Variants in ARL15 observed in about 807,000 individuals in gnomAD.
The protein encoded by ARL15 is ADP-ribosylation factor-like protein 15.
ARL15 carries 19 observed loss-of-function variants against 25.2 expected under a neutral mutation model. That is an observed-to-expected ratio of 0.75 (90% CI 0.53 to 1.10). ARL15 has a LOEUF of 1.10. Among genes scored for constraint, ARL15 ranks in the 50% least tolerant of loss-of-function variants. ARL15 has a pLI of 0.00. For missense variants in ARL15, 220 were observed against 246.0 expected, an observed-to-expected ratio of 0.89 and a Z score of 0.71; for synonymous variants, 94 against 86.8, an observed-to-expected ratio of 1.08 and a Z score of -0.46.
intron 1 of ARL15, among the ~76,000 whole-genome samples, chr5:54,268,766 GCACACA>G: frequency 1.3e-5 from 2 of 152,260 alleles, no homozygotes; most frequent in Admixed American, 1.3e-4. Flanking sequence ...AAAGACACAT[GCACACA>G]TATGTTTATG....
At chr5:54,133,918 G>A (rs1181349302) in intron 3 of ARL15, among the ~76,000 whole-genome samples, 1 of 152,168 alleles carries the variant, frequency 6.6e-6, no homozygotes, top group Non-Finnish European at 1.5e-5. Flanking sequence ...AAAAACTAGA[G>A]AGGGCATAAA....
chr5:54,060,572 C>T (rs1463779473), intron 4 of ARL15, among the ~76,000 whole-genome samples: 13 of 152,192 alleles, frequency 8.5e-5, no homozygotes. Flanking sequence ...ATTGTGAGGC[C>T]TCCCCAGCCA....
At chr5:54,308,155 A>C (rs992596302) in intron 1 of ARL15, among the ~76,000 whole-genome samples, 1 of 152,212 alleles carries the variant, frequency 6.6e-6, no homozygotes, top group Admixed American at 6.5e-5. Context: ...CAAAAGGTGA[A>C]CACAAAAAGG....
At chr5:54,054,105 A>G (rs551510431) in intron 4 of ARL15, among the ~76,000 whole-genome samples, 1 of 152,332 alleles carries the variant, frequency 6.6e-6, no homozygotes, top group East Asian at 1.9e-4. Context: ...ATCAGAAACT[A>G]GAATATTATC....
At chr5:54,223,221 A>C (rs1381379305) in intron 1 of ARL15, among the ~76,000 whole-genome samples, 2 of 152,074 alleles carry the variant, frequency 1.3e-5, no homozygotes, top group African/African-American at 4.8e-5. Context: ...TGTAAAAAAA[A>C]AACTACTTAT....
intron 1 of ARL15, among the ~76,000 whole-genome samples, chr5:54,301,989 T>C (rs1388547877): frequency 3.9e-5 from 6 of 152,216 alleles, no homozygotes; most frequent in Admixed American, 3.3e-4. Flanking sequence ...CTTGGCTCTA[T>C]GAGCCAAAGG....
chr5:53,908,992 A>G (rs1389032321), intron 4 of ARL15, among the ~76,000 whole-genome samples: 2 of 152,212 alleles, frequency 1.3e-5, no homozygotes, highest in African/African-American at 4.8e-5. Flanking sequence ...TGTTCAGAAC[A>G]GGAAAAGTTC....
chr5:54,213,623 G>A (rs1756103349), intron 1 of ARL15, among the ~76,000 whole-genome samples: 1 of 152,164 alleles, frequency 6.6e-6, no homozygotes, highest in Non-Finnish European at 1.5e-5. Flanking sequence ...GGGAGAGGGA[G>A]AGAACGTTCT....
intron 1 of ARL15, among the ~76,000 whole-genome samples, chr5:54,222,285 A>G (rs2112534171): frequency 6.6e-6 from 1 of 152,378 alleles, no homozygotes; most frequent in African/African-American, 2.4e-5. Flanking sequence ...CAAAACATCT[A>G]GGAATAGTGT....
intron 3 of ARL15, among the ~76,000 whole-genome samples, chr5:54,143,884 T>A (rs575395114): frequency 6.6e-6 from 1 of 152,190 alleles, no homozygotes; most frequent in Admixed American, 6.5e-5. Context: ...TATATCATCC[T>A]ATTTTTATTA....
At chr5:54,309,241 C>A (rs963615096) in intron 1 of ARL15, among the ~76,000 whole-genome samples, 4 of 152,216 alleles carry the variant, frequency 2.6e-5, no homozygotes, top group African/African-American at 9.6e-5. Context: ...ATTCACAAGG[C>A]TATGCATTAA....
chr5:53,909,853 A>G lies in ARL15; in HGVS notation c.463-23140T>C, dbSNP rs187348320. Among the ~76,000 whole-genome samples the G allele has an allele frequency of 1.7e-3, 253 of 152,350 alleles. 2 individuals are homozygous for G. Among genetic ancestry groups the G allele is most frequent in the Non-Finnish European group, 1.3e-3 (90 of 68,022 alleles). On this transcript the variant is annotated intron_variant, in intron 4 of 4. Transcript: ENST00000504924. ...GGCTCACAGTAGAAGCTCAACAAAC[A>G]TGAGTTATATGAATGTGAAGCACAC...
intron 4 of ARL15, among the ~76,000 whole-genome samples, chr5:54,051,818 G>A (rs572186298): frequency 6.6e-6 from 1 of 152,222 alleles, no homozygotes; most frequent in East Asian, 1.9e-4. Context: ...TAAAACTTAC[G>A]TTCACACAAA....
At chr5:54,245,063 G>T (rs1270672746) in intron 1 of ARL15, among the ~76,000 whole-genome samples, 2 of 151,902 alleles carry the variant, frequency 1.3e-5, no homozygotes, top group Non-Finnish European at 2.9e-5. Flanking sequence ...TTATGTTTGG[G>T]GCTGCCTGCA....
intron 1 of ARL15, among the ~76,000 whole-genome samples, chr5:54,307,634 T>A (rs1378982827): frequency 1.3e-5 from 2 of 152,162 alleles, no homozygotes; most frequent in African/African-American, 4.8e-5. Context: ...AATATCTCAA[T>A]CTTATTAAAA....
At chr5:53,991,766 A>T (rs1748508855) in intron 4 of ARL15, among the ~76,000 whole-genome samples, 1 of 152,042 alleles carries the variant, frequency 6.6e-6, no homozygotes, top group Non-Finnish European at 1.5e-5. Flanking sequence ...TCTCCCACGT[A>T]GTGGGAGAGT....
At chr5:54,193,262 C>A (rs1376658704) in intron 1 of ARL15, among the ~76,000 whole-genome samples, 1 of 152,168 alleles carries the variant, frequency 6.6e-6, no homozygotes, top group Non-Finnish European at 1.5e-5. Context: ...AGCTTATCCT[C>A]AATCCTGTGT....
chr5:54,242,914 A>C (rs952143570), intron 1 of ARL15, among the ~76,000 whole-genome samples: 3 of 152,212 alleles, frequency 2.0e-5, no homozygotes, highest in African/African-American at 7.2e-5. Flanking sequence ...CTCTTTGCTC[A>C]TACCTTTTCA....
chr5:54,047,196 T>A (rs999841632), intron 4 of ARL15, among the ~76,000 whole-genome samples: 5 of 152,136 alleles, frequency 3.3e-5, no homozygotes, highest in African/African-American at 1.2e-4. Flanking sequence ...CCAGGAAGTA[T>A]ACTCTAGCCA....
Sources: gnomAD v4.1 joint callset for allele counts (sites outside exome capture counted in the v4.1 genomes callset) on GRCh38, gnomAD v4.1.1 for gene constraint, MANE v1.5 for transcripts, NCBI Gene and HGNC (gene_info 2026-07-23, HGNC 2026-07-21) for gene names.